Variants in ARHGEF6 observed in about 807,000 individuals in gnomAD.
ARHGEF6 encodes the protein Rac/Cdc42 guanine nucleotide exchange factor 6.
Under a neutral mutation model 70.3 loss-of-function variants are expected in ARHGEF6, and 9 were observed. That is an observed-to-expected ratio of 0.13 (90% CI 0.08 to 0.22). ARHGEF6 has a LOEUF of 0.22. ARHGEF6 is among the 10% of genes least tolerant of loss of function. The probability of loss-of-function intolerance (pLI) is 1.00; values close to 1 mark genes in which losing one functional copy is unlikely to be tolerated. For synonymous variants in ARHGEF6, 201 were observed against 207.8 expected, an observed-to-expected ratio of 0.97 and a Z score of 0.28; for missense variants, 470 against 563.0, an observed-to-expected ratio of 0.83 and a Z score of 1.67.
At chrX:136,703,855 G>C (rs2076600848) in intron 9 of ARHGEF6, among the ~76,000 whole-genome samples, 1 of 112,748 alleles carries the variant, frequency 8.9e-6, no homozygotes, top group Non-Finnish European at 1.9e-5. Flanking sequence ...AATGTACCTT[G>C]CTTTTTTAGA....
intron 6 of ARHGEF6, among the ~76,000 whole-genome samples, chrX:136,717,975 G>A (rs150171886): frequency 1.8e-5 from 2 of 111,656 alleles, no homozygotes; most frequent in Non-Finnish European, 3.8e-5. Context: ...GCAACAAATA[G>A]AAAACAGTAA....
At chrX:136,720,553 T>A (rs942648800) in intron 6 of ARHGEF6, among the ~76,000 whole-genome samples, 1 of 111,082 alleles carries the variant, frequency 9.0e-6, no homozygotes, top group Non-Finnish European at 1.9e-5. Flanking sequence ...ACATCTAACA[T>A]CATACTTAAT....
intron 6 of ARHGEF6, among the ~76,000 whole-genome samples, chrX:136,715,527 C>A (rs146690935): frequency 9.0e-6 from 1 of 110,611 alleles, no homozygotes; most frequent in African/African-American, 3.3e-5. Context: ...AGAGAGGTCA[C>A]AGGGAAAACT....
chrX:136,765,990 T>A (rs1014205928), intron 2 of ARHGEF6, among the ~76,000 whole-genome samples: 4 of 112,965 alleles, frequency 3.5e-5, no homozygotes, highest in African/African-American at 1.3e-4. Flanking sequence ...TCCCTTGTTT[T>A]AACTGCTCTA....
intron 2 of ARHGEF6, among the ~76,000 whole-genome samples, chrX:136,753,899 T>C (rs1479816184): frequency 8.9e-6 from 1 of 112,425 alleles, no homozygotes; most frequent in Non-Finnish European, 1.9e-5. Flanking sequence ...ACTGTGATCA[T>C]GGACAGCTTT....
At chrX:136,677,466 C>T (rs1375029304) in intron 17 of ARHGEF6, among the ~76,000 whole-genome samples, 2 of 111,590 alleles carry the variant, frequency 1.8e-5, no homozygotes, top group Non-Finnish European at 3.8e-5. Context: ...ATCCTTAATC[C>T]AATAATCTGT....
chrX:136,724,609 G>A (rs1394206813), intron 6 of ARHGEF6, among the ~76,000 whole-genome samples: 2 of 111,193 alleles, frequency 1.8e-5, no homozygotes, highest in African/African-American at 3.3e-5. Flanking sequence ...TCCTGCCTCA[G>A]CCTCCCAAGT....
chrX:136,773,439 G>C lies in ARHGEF6; in HGVS notation c.249+5975C>G, dbSNP rs141961268. On this transcript the variant is annotated intron_variant, in intron 2 of 21. Coordinates refer to ENST00000250617, the MANE Select transcript of ARHGEF6 (RefSeq NM_004840.3). ...CTGGAAGCTTCAGACAAGATGATGA[G>C]TCTTCTTGGCTGCTTCGTGCTCCCC... Among the ~76,000 whole-genome samples the C allele has an allele frequency of 6.8e-3, 767 of 112,121 alleles. 7 individuals are homozygous for C. The highest frequency in any genetic ancestry group is 0.021 in the African/African-American group (640 of 30,865).
chrX:136,667,717 C>T lies in ARHGEF6; in HGVS notation c.*312G>A. 3.1e-6 allele frequency: 1 copy of T among 327,796 alleles called. No homozygotes were observed. The highest frequency in any genetic ancestry group is 5.4e-6 in the Non-Finnish European group (1 of 184,623). The allele number at this position is 327,796 out of a possible 1,213,427, so 27.0% of individuals were successfully genotyped here. ...GAAGACCTTTTAAGTAACTGGCCTG[C>T]ATTCCCTTTCTCTTTCTTACTGAAT... On this transcript the variant is annotated 3_prime_UTR_variant, in exon 22 of 22. Transcript: ENST00000250617.
chrX:136,747,558 T>C lies in ARHGEF6; in HGVS notation c.284A>G (p.Asn95Ser), dbSNP rs141247682. The C allele has an allele frequency of 2.3e-5, 28 of 1,204,275 alleles. No individual in the cohort carries two copies. The highest frequency in any genetic ancestry group is 2.3e-4 in the Middle Eastern group (1 of 4,366). The change falls in exon 3 of 22, where the codon AAT (asparagine) becomes AGT (serine). Residue 95 changes from asparagine (N) to serine (S), a missense_variant. By Grantham distance (46) the Asn-to-Ser change is conservative (BLOSUM62 1). Coordinates refer to ENST00000250617, the MANE Select transcript of ARHGEF6 (RefSeq NM_004840.3). ...FDPDDLYSGV[N>S]FSKVLSTLLA... ...AAGAGTACTCAGTACCTTGGAGAAA[T>C]TGACCCCTGAATAAAGGTCATCAGG... is the stretch of plus-strand genomic sequence containing the variant.
chrX:136,706,829 T>C, intron 9 of ARHGEF6, 79 bp downstream of exon 9: 1 of 1,141,650 alleles, frequency 8.8e-7, no homozygotes, highest in Non-Finnish European at 1.2e-6. Flanking sequence ...AGAGTCCAAC[T>C]GAAGACCTTG....
At chrX:136,709,924 C>A (rs888335921) in intron 7 of ARHGEF6, among the ~76,000 whole-genome samples, 2 of 111,443 alleles carry the variant, frequency 1.8e-5, no homozygotes, top group Non-Finnish European at 3.8e-5. Context: ...TGAGATCGTG[C>A]CACTGCACTC....
intron 2 of ARHGEF6, among the ~76,000 whole-genome samples, chrX:136,756,365 G>T (rs2077207265): frequency 9.0e-6 from 1 of 111,652 alleles, no homozygotes; most frequent in South Asian, 3.8e-4. Flanking sequence ...GGTAATAGAG[G>T]TTCCTCTAAA....
chrX:136,701,999 A>G, intron 9 of ARHGEF6, among the ~76,000 whole-genome samples: 1 of 111,257 alleles, frequency 9.0e-6, no homozygotes, highest in African/African-American at 3.3e-5. Flanking sequence ...GAGCCACCGC[A>G]CCCGGCCTCA....
chrX:136,697,072 AG>A (rs748619533), intron 9 of ARHGEF6, among the ~76,000 whole-genome samples: 1 of 111,188 alleles, frequency 9.0e-6, no homozygotes, highest in Non-Finnish European at 1.9e-5. Context: ...ATGCTGGAAA[AG>A]GCAAGCTGGA....
chrX:136,719,977 A>C (rs2076779007), intron 6 of ARHGEF6, among the ~76,000 whole-genome samples: 1 of 112,292 alleles, frequency 8.9e-6, no homozygotes, highest in South Asian at 3.6e-4. Flanking sequence ...ACATCTAGTA[A>C]AGAAAATGAA....
chrX:136,777,787 C>CACACACACACACACACA (rs767698755), intron 2 of ARHGEF6, among the ~76,000 whole-genome samples: 2 of 109,244 alleles, frequency 1.8e-5, no homozygotes, highest in African/African-American at 6.7e-5. Flanking sequence ...CACACACACA[C>CACACACACACACACACA]CATGGAATAC....
At chrX:136,690,269 G>T in intron 10 of ARHGEF6, among the ~76,000 whole-genome samples, 1 of 111,673 alleles carries the variant, frequency 9.0e-6, no homozygotes, top group Admixed American at 9.6e-5. Context: ...AAACAAAGAA[G>T]ATTTCTTAGT....
chrX:136,688,871 C>A (rs1298032953), intron 10 of ARHGEF6, among the ~76,000 whole-genome samples: 1 of 111,709 alleles, frequency 9.0e-6, no homozygotes, highest in Non-Finnish European at 1.9e-5. Context: ...TGGACAGATT[C>A]AAAAACGGCT....
Sources: allele counts gnomAD v4.1 joint callset (sites outside exome capture counted in the v4.1 genomes callset), GRCh38; gene constraint gnomAD v4.1.1; transcripts MANE v1.5; gene names NCBI Gene and HGNC (gene_info 2026-07-23, HGNC 2026-07-21).